The following TM9SF3 variants were observed in gnomAD, a reference collection of about 807,000 sequenced individuals.
TM9SF3 encodes the protein SM-11044-binding protein.
Under a neutral mutation model 78.6 loss-of-function variants are expected in TM9SF3, and 14 were observed. That is an observed-to-expected ratio of 0.18 (90% confidence interval 0.12 to 0.28). The LOEUF (loss-of-function observed/expected upper bound fraction) is 0.28. TM9SF3 is among the 10% of genes least tolerant of loss of function. The pLI, the probability that TM9SF3 is intolerant of heterozygous loss-of-function variation, is 1.00. For missense variants in TM9SF3, 496 were observed against 721.9 expected, an observed-to-expected ratio of 0.69 and a Z score of 3.59; for synonymous variants, 231 against 241.7, an observed-to-expected ratio of 0.96 and a Z score of 0.41.
chr10:96,542,215 T>C (rs1342172374), intron 9 of TM9SF3, among the ~76,000 whole-genome samples: 1 of 152,140 alleles, frequency 6.6e-6, no homozygotes, highest in Non-Finnish European at 1.5e-5. Context: ...GTTTTCATAC[T>C]CTTAAACGGA....
intron 8 of TM9SF3, 60 bp downstream of exon 8, chr10:96,547,834 AT>A (rs1848120213): frequency 2.1e-6 from 3 of 1,421,070 alleles, no homozygotes; most frequent in Non-Finnish European, 3.0e-6. Context: ...AACAAAAAAA[AT>A]CTCATAGTAA....
At chr10:96,571,572 T>C (rs759155843) in intron 2 of TM9SF3, among the ~76,000 whole-genome samples, 3 of 152,104 alleles carry the variant, frequency 2.0e-5, no homozygotes, top group Non-Finnish European at 4.4e-5. Context: ...TGGAGGGAAA[T>C]ACCGCATGGT....
Position 96,586,878 on chromosome 10 carries a change from C to T in TM9SF3, c.-43G>A, listed in dbSNP as rs1848639861. On this transcript the variant is annotated 5_prime_UTR_variant, in exon 1 of 15. Transcript: ENST00000371142. ...CCCGGAGCCGGCTCACCGACTCCTC[C>T]TCCCGCCGCCGCCTCCTCCGCCGCC... 2.0e-6 allele frequency: 2 copies of T among 1,011,356 alleles called. No homozygotes were observed. Among genetic ancestry groups the T allele is most frequent in the Non-Finnish European group, 2.5e-6 (2 of 809,060 alleles). 62.6% of individuals were successfully genotyped at this position (1,011,356 alleles called of 1,614,324 possible).
In TM9SF3 at chr10:96,532,978, T is replaced by TG. The variant is rs1564928859; in HGVS notation, c.1325+72_1325+73insC. On this transcript the variant is annotated intron_variant, in intron 10 of 14. Transcript: ENST00000371142. ...CATAAATACATACCAATTCTAAAGT[T>TG]ACATGTACACAACAGCCTTAAGAAC... 8.5e-6 allele frequency: 13 copies of TG among 1,537,026 alleles called. No homozygotes were observed. In the East Asian group the frequency reaches 2.9e-4, roughly 35 times the overall value.
intron 9 of TM9SF3, among the ~76,000 whole-genome samples, chr10:96,535,490 T>C (rs1444415399): frequency 6.6e-6 from 1 of 152,244 alleles, no homozygotes; most frequent in Non-Finnish European, 1.5e-5. Flanking sequence ...TTAAATTCAG[T>C]GTTAAAAATA....
At chr10:96,578,032 A>G (rs1397233553) in intron 1 of TM9SF3, among the ~76,000 whole-genome samples, 1 of 152,186 alleles carries the variant, frequency 6.6e-6, no homozygotes. Flanking sequence ...TCTCTCAGCC[A>G]TGGAGACTCA....
chr10:96,586,607 CG>C (rs1848633997), intron 1 of TM9SF3, 126 bp downstream of exon 1: 3 of 774,926 alleles, frequency 3.9e-6, no homozygotes, highest in African/African-American at 3.6e-5. Flanking sequence ...CAGGCCCAAC[CG>C]GAAGGAGTCC....
chr10:96,564,156 G>A (rs1848343603), intron 3 of TM9SF3, among the ~76,000 whole-genome samples: 1 of 151,854 alleles, frequency 6.6e-6, no homozygotes, highest in African/African-American at 2.4e-5. Flanking sequence ...GCCAGGCATG[G>A]TGGGGTGCAC....
intron 12 of TM9SF3, 130 bp downstream of exon 12, chr10:96,527,901 A>G: frequency 1.1e-6 from 1 of 917,210 alleles, no homozygotes; most frequent in Non-Finnish European, 1.6e-6. Context: ...ATAACTGGAA[A>G]AAAATCCCTA....
chr10:96,567,027 T>C (rs1437746004), intron 2 of TM9SF3, among the ~76,000 whole-genome samples: 1 of 151,600 alleles, frequency 6.6e-6, no homozygotes, highest in African/African-American at 2.4e-5. Context: ...AACAATATGG[T>C]AGATTTAAGT....
chr10:96,576,806 G>A lies in TM9SF3; in HGVS notation c.126C>T (p.Val42=). The A allele has an allele frequency of 1.3e-6, 2 of 1,519,368 alleles. No homozygotes were observed. Among genetic ancestry groups the A allele is most frequent in the Non-Finnish European group, 8.8e-7 (1 of 1,138,852 alleles). 94.1% of individuals were successfully genotyped at this position (1,519,368 alleles called of 1,614,324 possible). A position where few individuals can be genotyped will look rare whatever the true frequency, so the allele number is the denominator to read the frequency against. ...AGGGCCCAACAGTATTCATCCATAAGACAACTTCCTCTTTATCTTGATACT... is the reference window on the plus strand; with the variant it reads ...AGGGCCCAACAGTATTCATCCATAAAACAACTTCCTCTTTATCTTGATACT... ...EHTYQDKEEV[V]LWMNTVGPYH... Residue 42 remains valine (V), a synonymous_variant, in exon 2 of 15, where the codon GTC becomes GTT. Transcript: ENST00000371142.
intron 9 of TM9SF3, among the ~76,000 whole-genome samples, chr10:96,543,344 C>CTTTTTTTTTTTTTTTTTTTTTTTTTT: frequency 7.3e-6 from 1 of 136,894 alleles, no homozygotes; most frequent in Non-Finnish European, 1.5e-5. Flanking sequence ...TAGTGAGATT[C>CTTTTTTTTTTTTTTTTTTTTTTTTTT]TTTTTTTTGA....
At chr10:96,531,357 GT>G (rs1266654939) in intron 10 of TM9SF3, among the ~76,000 whole-genome samples, 3 of 151,538 alleles carry the variant, frequency 2.0e-5, no homozygotes, top group Admixed American at 2.0e-4. Flanking sequence ...ACGCTATACT[GT>G]AACTGTCCAA....
At chr10:96,537,347 A>G (rs913364031) in intron 9 of TM9SF3, among the ~76,000 whole-genome samples, 3 of 152,254 alleles carry the variant, frequency 2.0e-5, no homozygotes, top group East Asian at 3.8e-4. Flanking sequence ...TATGCTGTAC[A>G]GGTCTGTAGC....
chr10:96,538,480 A>C (rs1358275412), intron 9 of TM9SF3, among the ~76,000 whole-genome samples: 3 of 152,188 alleles, frequency 2.0e-5, no homozygotes, highest in Admixed American at 6.5e-5. Flanking sequence ...TTGGCAAAAG[A>C]CTTCTTAAAT....
At chr10:96,572,716 G>A (rs907384959) in intron 2 of TM9SF3, among the ~76,000 whole-genome samples, 8 of 151,630 alleles carry the variant, frequency 5.3e-5, no homozygotes, top group African/African-American at 1.9e-4. Context: ...TTTTAGTAGA[G>A]ATGGGGTTTC....
At chr10:96,558,897 T>C (rs531385247) in intron 5 of TM9SF3, among the ~76,000 whole-genome samples, 1 of 152,306 alleles carries the variant, frequency 6.6e-6, no homozygotes, top group African/African-American at 2.4e-5. Flanking sequence ...GAAGAAGGGA[T>C]ACCCTTATGC....
chr10:96,542,626 T>G (rs1007577788), intron 9 of TM9SF3, among the ~76,000 whole-genome samples: 1 of 152,156 alleles, frequency 6.6e-6, no homozygotes, highest in Non-Finnish European at 1.5e-5. Flanking sequence ...TTTAAAGCAC[T>G]ATGAAAATAA....
chr10:96,579,817 T>C (rs543454273), intron 1 of TM9SF3, among the ~76,000 whole-genome samples: 1 of 152,350 alleles, frequency 6.6e-6, no homozygotes, highest in East Asian at 1.9e-4. Context: ...TGATTGTCCC[T>C]GAGAATAAGT....
Sources: allele counts gnomAD v4.1 joint callset (sites outside exome capture counted in the v4.1 genomes callset), GRCh38; gene constraint gnomAD v4.1.1; transcripts MANE v1.5; gene names NCBI Gene and HGNC (gene_info 2026-07-23, HGNC 2026-07-21).